The following MRPL34 variants were observed in gnomAD, a reference collection of about 807,000 sequenced individuals.
The protein encoded by MRPL34 is large ribosomal subunit protein bL34m.
MRPL34 carries 8 observed loss-of-function variants against 6.7 expected under a neutral mutation model. The ratio of observed to expected loss-of-function variants is 1.20; its 90% CI spans 0.70 to 2.16. The LOEUF is 2.16. Ranked by LOEUF, MRPL34 falls within the 30% of genes most tolerant of loss-of-function variation. MRPL34 has a pLI of 0.00. For synonymous variants in MRPL34, 59 were observed against 55.1 expected (o/e 1.07, Z -0.31); for missense variants, 146 against 125.5 (o/e 1.16, Z -0.78).
chr19:17,301,556 C>T (rs147808769), upstream of MRPL34: 4,975 of 1,605,100 alleles, frequency 3.1e-3, 15 homozygotes, highest in Non-Finnish European at 3.9e-3. Flanking sequence ...AGTGGCCCCA[C>T]GGCGTTGGGG....
chr19:17,297,443 C>G (rs2074098046), intron 1 of MRPL34, among the ~76,000 whole-genome samples: 1 of 152,058 alleles, frequency 6.6e-6, no homozygotes, highest in African/African-American at 2.4e-5. Flanking sequence ...TTATAGGCAC[C>G]TGCAACCATA....
chr19:17,294,024 G>A (rs916214522), intron 1 of MRPL34, among the ~76,000 whole-genome samples: 6 of 152,070 alleles, frequency 3.9e-5, no homozygotes, highest in Non-Finnish European at 8.8e-5. Context: ...TTCTTACAGC[G>A]GTGGGGACAG....
At chr19:17,297,744 C>CTTTTTTTTTTTTT (rs71334702) in intron 1 of MRPL34, 1 of 130,252 alleles carries the variant, frequency 7.7e-6, no homozygotes, top group African/African-American at 2.8e-5. Flanking sequence ...GTTTTCTTTT[C>CTTTTTTTTTTTTT]TTTTTTTTTT....
chr19:17,300,913 C>T, upstream of MRPL34: 13 of 1,609,954 alleles, frequency 8.1e-6, no homozygotes, highest in Non-Finnish European at 1.1e-5. Flanking sequence ...GAAGATTGCT[C>T]GCATGTCCTC....
chr19:17,292,688 C>CA lies in MRPL34; in HGVS notation c.49dup (p.Ser17LysfsTer5). ...ACTTCTTGTCTTCTGGAGGCGCCGG[C>CA]AGTGGCTCCGGTAGAGCCTTGGGCG... On this transcript the variant is annotated frameshift_variant, in exon 1 of 3. Coordinates refer to the MRPL34 transcript ENST00000595444. LOFTEE classifies it high-confidence loss of function. 1 of 1,611,878 alleles carries CA rather than the reference C, an allele frequency of 6.2e-7. No individual in the cohort carries two copies. Among genetic ancestry groups the CA allele is most frequent in the Non-Finnish European group, 8.5e-7 (1 of 1,179,374 alleles).
In MRPL34 at chr19:17,292,714, A is replaced by C. The variant is rs780872893; in HGVS notation, c.74A>C (p.Glu25Ala). Residue 25 changes from glutamate to alanine, a missense_variant, in exon 1 of 3, where the codon GAG becomes GCG. Coordinates refer to the MRPL34 transcript ENST00000595444. ...AGTGGCTCCGGTAGAGCCTTGGGCG[A>C]GGGCTCGGGCTCCCAGAGCAGGAAT... 22 of 1,613,152 alleles carry C rather than the reference A, an allele frequency of 1.4e-5. No homozygotes were observed. The Admixed American group carries it at 1.8e-4, about 13-fold the overall frequency.
chr19:17,301,626 TGTGA>T, upstream of MRPL34: 1 of 1,531,082 alleles, frequency 6.5e-7, no homozygotes, highest in Non-Finnish European at 8.8e-7. Flanking sequence ...TGGTGTGTCC[TGTGA>T]GTGAGGACAG....
intron 1 of MRPL34, 55 bp downstream of exon 1, chr19:17,306,012 G>A: frequency 6.2e-7 from 1 of 1,602,018 alleles, no homozygotes; most frequent in Non-Finnish European, 8.5e-7. Flanking sequence ...GGCTTCGGAG[G>A]CTGGCGCCAC....
chr19:17,304,098 G>C (rs1333252626), upstream of MRPL34, among the ~76,000 whole-genome samples: 1 of 152,220 alleles, frequency 6.6e-6, no homozygotes, highest in African/African-American at 2.4e-5. Flanking sequence ...ATCGTGACGG[G>C]CTTCTCTAAA....
chr19:17,300,097 G>C (rs1396876293), upstream of MRPL34, among the ~76,000 whole-genome samples: 1 of 151,300 alleles, frequency 6.6e-6, no homozygotes, highest in South Asian at 2.1e-4. Flanking sequence ...GTAGAGACAG[G>C]GTTTCACCGT....
At chr19:17,300,698 G>C (rs34641950), upstream of MRPL34, among the ~76,000 whole-genome samples, 39,692 of 151,870 alleles carry the variant, frequency 0.26, 5,500 homozygotes, top group South Asian at 0.38. Flanking sequence ...GACTGTTCCC[G>C]AACTCCCAAC....
chr19:17,305,900 T>C lies in MRPL34; in HGVS notation c.8T>C (p.Val3Ala), dbSNP rs765473716. 19 of 1,612,694 alleles carry C rather than the reference T, an allele frequency of 1.2e-5. No individual in the cohort carries two copies. Among genetic ancestry groups the C allele is most frequent in the Middle Eastern group, 1.6e-4 (1 of 6,078 alleles). MA[V>A]LAGSLLGPTS... Reference sequence around the variant, plus strand: ...GCGGGACCCACTGCGGATATGGCTGTCTTGGCTGGATCCCTGTTGGGCCCC... The same window carrying C: ...GCGGGACCCACTGCGGATATGGCTGCCTTGGCTGGATCCCTGTTGGGCCCC... The change falls in exon 1 of 2, where the codon GTC (valine) becomes GCC (alanine). Residue 3 changes from valine to alanine, a missense_variant. By Grantham distance (64) the Val-to-Ala change is moderately conservative. Coordinates refer to ENST00000252602, the MANE Select transcript of MRPL34 (RefSeq NM_023937.4).
At position 17,306,220 on chromosome 19, in the gene MRPL34, C is replaced by G; in HGVS notation, c.120C>G (p.Thr40=). The G allele has an allele frequency of 1.3e-6, 2 of 1,564,170 alleles. No individual in the cohort carries two copies. Among genetic ancestry groups the G allele is most frequent in the South Asian group, 2.3e-5 (2 of 86,182 alleles). ...TCCCAGACGCCTGGGGCCTCCCCAC[C>G]CCGCAGCAGGCCCGGGGCAAGGCTC... ...LGFPDAWGLP[T]PQQARGKARG... is the part of the protein sequence containing the mutation. Residue 40 remains threonine (T), a synonymous_variant, in exon 2 of 2, where the codon ACC becomes ACG. Transcript: ENST00000252602.
chr19:17,301,925 C>T (rs1224177320), upstream of MRPL34, among the ~76,000 whole-genome samples: 1 of 152,104 alleles, frequency 6.6e-6, no homozygotes, highest in Admixed American at 6.6e-5. Context: ...TCCTGAGTAG[C>T]TGGGATTATA....
intron 1 of MRPL34, chr19:17,294,395 G>A (rs1309806929): frequency 6.2e-7 from 1 of 1,614,060 alleles, no homozygotes; most frequent in Non-Finnish European, 8.5e-7. Context: ...TCGCCCTCGG[G>A]CCAGTACTGG....
upstream of MRPL34, among the ~76,000 whole-genome samples, chr19:17,305,487 C>T (rs1328706899): frequency 6.6e-6 from 1 of 152,190 alleles, no homozygotes; most frequent in Non-Finnish European, 1.5e-5. Context: ...GTGCCATCTG[C>T]CCAGCTCCCG....
upstream of MRPL34, chr19:17,297,904 ATTTTTCT>A (rs1417624595): frequency 3.1e-5 from 4 of 129,456 alleles, no homozygotes; most frequent in Admixed American, 2.3e-4. Context: ...CCACTTATTT[ATTTTTCT>A]TTTTTCTTTT....
At chr19:17,298,688 A>AAAAAT (rs1475466084), upstream of MRPL34, among the ~76,000 whole-genome samples, 3 of 152,028 alleles carry the variant, frequency 2.0e-5, no homozygotes, top group South Asian at 4.2e-4. Context: ...CTCACAGAAA[A>AAAAAT]AAAATAACCT....
chr19:17,301,800 G>GTGTC (rs1568348891), upstream of MRPL34, among the ~76,000 whole-genome samples: 1 of 143,862 alleles, frequency 7.0e-6, no homozygotes, highest in Non-Finnish European at 1.6e-5. Context: ...GTGTGTGTGT[G>GTGTC]TGTGTGTGTT....
Sources: gnomAD v4.1 joint callset for allele counts (sites outside exome capture counted in the v4.1 genomes callset) on GRCh38, gnomAD v4.1.1 for gene constraint, MANE v1.5 for transcripts, NCBI Gene and HGNC (gene_info 2026-07-23, HGNC 2026-07-21) for gene names.